NFIB: variants seen among roughly 807,000 people sequenced by gnomAD.
The protein encoded by NFIB is nuclear factor I B, also known as nuclear factor 1 B-type.
Under a neutral mutation model 61.5 loss-of-function variants are expected in NFIB, and 11 were observed. The ratio of observed to expected loss-of-function variants is 0.18; its 90% CI spans 0.11 to 0.30. The LOEUF (loss-of-function observed/expected upper bound fraction) is 0.30, where lower values mean the gene tolerates loss of function less well. Ranked by LOEUF, NFIB falls within the 10% of genes least tolerant of loss-of-function variation. The pLI is 1.00. For missense variants in NFIB, 471 were observed against 608.9 expected, an observed-to-expected ratio of 0.77 and a Z score of 2.38; for synonymous variants, 260 against 216.5, an observed-to-expected ratio of 1.20 and a Z score of -1.76.
chr9:14,500,044 G>T, the NFIB span, among the ~76,000 whole-genome samples: 47 of 152,254 alleles, frequency 3.1e-4, 1 homozygote, highest in East Asian at 9.1e-3. Context: ...TAAATTCAGG[G>T]TCTGCAACCT....
chr9:14,104,887 C>G (rs2036325466), intron 10 of NFIB, among the ~76,000 whole-genome samples: 1 of 152,018 alleles, frequency 6.6e-6, no homozygotes, highest in Non-Finnish European at 1.5e-5. Context: ...TAATTATTAA[C>G]TTCAGATTAG....
chr9:14,215,741 C>A (rs987488389), intron 2 of NFIB, among the ~76,000 whole-genome samples: 3 of 152,184 alleles, frequency 2.0e-5, no homozygotes, highest in African/African-American at 7.2e-5. Context: ...CTCTGTAATA[C>A]TCCAATTGTA....
intron 1 of NFIB, among the ~76,000 whole-genome samples, chr9:14,344,414 G>C (rs929836292): frequency 6.6e-6 from 1 of 151,892 alleles, no homozygotes; most frequent in Admixed American, 6.6e-5. Flanking sequence ...TCTCAGAAGG[G>C]GGGGGTAGAG....
intron 10 of NFIB, among the ~76,000 whole-genome samples, chr9:14,109,318 G>A (rs1015291015): frequency 4.6e-5 from 7 of 151,942 alleles, no homozygotes; most frequent in South Asian, 2.1e-4. Flanking sequence ...CTATCATAAC[G>A]AATTTGCACA....
chr9:14,475,906 A>C, the NFIB span, among the ~76,000 whole-genome samples: 6 of 152,284 alleles, frequency 3.9e-5, no homozygotes. Context: ...AAGGAATTCA[A>C]TTTGGTAGAT....
chr9:14,355,223 G>A (rs2061161273), intron 1 of NFIB, among the ~76,000 whole-genome samples: 2 of 152,154 alleles, frequency 1.3e-5, no homozygotes, highest in South Asian at 2.1e-4. Context: ...TTATTATGAA[G>A]TGGGCCCTAA....
intron 1 of NFIB, among the ~76,000 whole-genome samples, chr9:14,310,467 T>C (rs2060227451): frequency 6.6e-6 from 1 of 152,226 alleles, no homozygotes; most frequent in Non-Finnish European, 1.5e-5. Context: ...AGTGTGACTG[T>C]TTCCTAATGC....
intron 1 of NFIB, among the ~76,000 whole-genome samples, chr9:14,379,059 C>T (rs1009576966): frequency 6.6e-6 from 1 of 152,204 alleles, no homozygotes; most frequent in Non-Finnish European, 1.5e-5. Flanking sequence ...TATTCACAAC[C>T]TGTTGATGAT....
chr9:14,304,869 A>T (rs1298021561), intron 2 of NFIB, among the ~76,000 whole-genome samples: 2 of 152,198 alleles, frequency 1.3e-5, no homozygotes, highest in African/African-American at 4.8e-5. Context: ...AAGAATATAT[A>T]AATTTTGAAA....
intron 1 of NFIB, among the ~76,000 whole-genome samples, chr9:14,378,120 G>A (rs933727976): frequency 6.6e-6 from 1 of 152,192 alleles, no homozygotes; most frequent in Admixed American, 6.5e-5. Context: ...TGAGTGGCAT[G>A]ATCTGATTAA....
chr9:14,088,356 GAAGAAAA>G, intron 10 of NFIB, 30 bp from the exon 11 acceptor site: 2 of 1,463,842 alleles, frequency 1.4e-6, no homozygotes, highest in Non-Finnish European at 1.8e-6. Context: ...AGCAGGGAGG[GAAGAAAA>G]AAGAAAAAAA....
chr9:14,321,797 A>G (rs1018478500), intron 1 of NFIB: 2 of 1,035,458 alleles, frequency 1.9e-6, no homozygotes, highest in African/African-American at 3.3e-5. Context: ...ACAACCTGTA[A>G]AACAAAAATG....
chr9:14,469,183 C>T, the NFIB span, among the ~76,000 whole-genome samples: 3 of 152,250 alleles, frequency 2.0e-5, no homozygotes, highest in African/African-American at 7.2e-5. Flanking sequence ...GATTGGGGGA[C>T]CGAACTGTGC....
At chr9:14,225,319 TTCC>T (rs1483025905) in intron 2 of NFIB, among the ~76,000 whole-genome samples, 1 of 151,922 alleles carries the variant, frequency 6.6e-6, no homozygotes, top group African/African-American at 2.4e-5. Flanking sequence ...TTACACTACA[TTCC>T]TCCTCAAGAA....
chr9:14,482,410 T>A, the NFIB span, among the ~76,000 whole-genome samples: 1 of 152,066 alleles, frequency 6.6e-6, no homozygotes, highest in Non-Finnish European at 1.5e-5. Context: ...CTCTCTGGAG[T>A]ACTGCCAGCT....
intron 3 of NFIB, among the ~76,000 whole-genome samples, chr9:14,159,252 C>T (rs955983286): frequency 5.3e-5 from 8 of 152,170 alleles, no homozygotes; most frequent in African/African-American, 1.9e-4. Context: ...TTCTCCACTC[C>T]CCACCCCCAA....
At position 14,313,220 on chromosome 9, in the gene NFIB, C is replaced by CTGCCCACCCCCCGGCGGCCT. The variant is rs2060369829; in HGVS notation, c.30+242_30+261dup. On this transcript the variant is annotated intron_variant, in intron 1 of 10. Transcript: ENST00000380953. This position sits in a 1 kb window ranked among gnomAD's most constrained non-coding sequence, Gnocchi z 4.5. The stretch of plus-strand genomic sequence containing the variant: ...GGCCTCGCACTTACAGGTCCCGGCC[C>CTGCCCACCCCCCGGCGGCCT]TGCCCACCCCCCGGCGGCCTTGCCC... 6.6e-6 allele frequency among the ~76,000 whole-genome samples: 1 copy of CTGCCCACCCCCCGGCGGCCT among 151,830 alleles called. No individual in the cohort carries two copies. The highest frequency in any genetic ancestry group is 6.6e-5 in the Admixed American group (1 of 15,250).
the NFIB span, among the ~76,000 whole-genome samples, chr9:14,442,227 C>T: frequency 2.0e-5 from 3 of 152,006 alleles, no homozygotes; most frequent in Non-Finnish European, 4.4e-5. Context: ...GTGTGCTGGG[C>T]CCCATGTGTG....
At chr9:14,298,805 G>A (rs1452475299) in intron 2 of NFIB, among the ~76,000 whole-genome samples, 1 of 152,194 alleles carries the variant, frequency 6.6e-6, no homozygotes, top group East Asian at 1.9e-4. Flanking sequence ...AAGGGATTCA[G>A]GTAGCAACTT....
Sources: allele counts gnomAD v4.1 joint callset (sites outside exome capture counted in the v4.1 genomes callset), GRCh38; gene constraint gnomAD v4.1.1; non-coding constraint Gnocchi (gnomAD v3.1); transcripts MANE v1.5; gene names NCBI Gene and HGNC (gene_info 2026-07-23, HGNC 2026-07-21).